The following SMIM14 variants were observed in gnomAD, a reference collection of about 807,000 sequenced individuals.
SMIM14 encodes the protein chromosome 4 open reading frame 34.
SMIM14 carries 5 observed loss-of-function variants against 12.6 expected under a neutral mutation model. That is an observed-to-expected ratio of 0.40 (90% CI 0.21 to 0.83). The LOEUF (loss-of-function observed/expected upper bound fraction) is 0.83. SMIM14 is among the 40% of genes least tolerant of loss of function. SMIM14 has a pLI of 0.37. For missense variants in SMIM14, 86 were observed against 119.1 expected, an observed-to-expected ratio of 0.72 and a Z score of 1.29; for synonymous variants, 30 against 40.1, an observed-to-expected ratio of 0.75 and a Z score of 0.95.
chr4:39,580,583 G>A (rs1713446991), intron 2 of SMIM14, among the ~76,000 whole-genome samples: 1 of 151,860 alleles, frequency 6.6e-6, no homozygotes, highest in South Asian at 2.1e-4. Context: ...CTGGAGTACA[G>A]TGGTGCGATC....
intron 2 of SMIM14, among the ~76,000 whole-genome samples, chr4:39,580,077 A>G (rs910351004): frequency 2.0e-5 from 3 of 152,182 alleles, no homozygotes; most frequent in Non-Finnish European, 4.4e-5. Flanking sequence ...CAAGAACCTC[A>G]TATGTGTTGG....
intron 1 of SMIM14, among the ~76,000 whole-genome samples, chr4:39,637,779 C>T (rs897030161): frequency 1.3e-5 from 2 of 152,152 alleles, no homozygotes; most frequent in Non-Finnish European, 2.9e-5. Flanking sequence ...GCAAGAATGC[C>T]TCCTAAGCGT....
intron 1 of SMIM14, among the ~76,000 whole-genome samples, chr4:39,616,396 A>C (rs1438061042): frequency 6.6e-6 from 1 of 152,098 alleles, no homozygotes; most frequent in Non-Finnish European, 1.5e-5. Context: ...CAGCCTCCCA[A>C]AGTGCTGGGA....
intron 1 of SMIM14, among the ~76,000 whole-genome samples, chr4:39,618,490 T>A (rs1282959839): frequency 6.6e-6 from 1 of 151,500 alleles, no homozygotes; most frequent in Non-Finnish European, 1.5e-5. Flanking sequence ...CTATTAAAAA[T>A]ACAAAAATTA....
intron 3 of SMIM14, among the ~76,000 whole-genome samples, chr4:39,566,226 G>A (rs180781658): frequency 6.6e-6 from 1 of 151,890 alleles, no homozygotes; most frequent in Non-Finnish European, 1.5e-5. Context: ...TGACTGGACA[G>A]TGTGAGAAAA....
chr4:39,636,912 C>T (rs1008594650), intron 1 of SMIM14, among the ~76,000 whole-genome samples: 17 of 152,246 alleles, frequency 1.1e-4, no homozygotes, highest in South Asian at 4.1e-4. Context: ...ATTGTATTTT[C>T]AAACTGCGGT....
rs561228590 is a variant in SMIM14, at chr4:39,557,752, A to C, written c.125-1182T>G. 5.9e-5 allele frequency among the ~76,000 whole-genome samples: 9 copies of C among 152,322 alleles called. No homozygotes were observed. The South Asian group carries it at 1.9e-3, about 32-fold the overall frequency. On this transcript the variant is annotated intron_variant, in intron 3 of 4. Transcript: ENST00000295958. ...AAAGCCACGAATCCATATGAATCCA[A>C]GTTAAGACCACAGAAAAAACACTCT...
At chr4:39,572,594 G>A in intron 2 of SMIM14, 131 bp from the exon 3 acceptor site, 1 of 693,492 alleles carries the variant, frequency 1.4e-6, no homozygotes, top group Non-Finnish European at 2.5e-6. Flanking sequence ...GGCTGAGGTG[G>A]GTGGATTGTT....
chr4:39,610,696 TAA>T (rs368297350), intron 1 of SMIM14, among the ~76,000 whole-genome samples: 3 of 133,682 alleles, frequency 2.2e-5, no homozygotes, highest in Admixed American at 7.6e-5. Flanking sequence ...CCTGGTCTCT[TAA>T]AAAAAAAAAA....
intron 2 of SMIM14, among the ~76,000 whole-genome samples, chr4:39,598,407 C>T (rs1714462520): frequency 6.6e-6 from 1 of 152,150 alleles, no homozygotes; most frequent in African/African-American, 2.4e-5. Flanking sequence ...CAACTTTTAG[C>T]TGATTGTTTT....
chr4:39,621,667 AT>A (rs375679188), intron 1 of SMIM14, among the ~76,000 whole-genome samples: 47 of 149,370 alleles, frequency 3.1e-4, no homozygotes, highest in African/African-American at 1.1e-3. Context: ...ACTGTAAAGT[AT>A]TATACAGCCA....
intron 3 of SMIM14, among the ~76,000 whole-genome samples, chr4:39,560,783 C>T (rs1712270228): frequency 6.6e-6 from 1 of 151,986 alleles, no homozygotes; most frequent in South Asian, 2.1e-4. Context: ...CTCTGTTCAT[C>T]CAGTTGCCCA....
chr4:39,617,854 GTTAAA>G (rs1358961943), intron 1 of SMIM14, among the ~76,000 whole-genome samples: 1 of 152,074 alleles, frequency 6.6e-6, no homozygotes, highest in Admixed American at 6.6e-5. Flanking sequence ...ATAGTATTTT[GTTAAA>G]TTAAGTTTAA....
chr4:39,596,097 T>C (rs1442452214), intron 2 of SMIM14, among the ~76,000 whole-genome samples: 1 of 152,060 alleles, frequency 6.6e-6, no homozygotes, highest in African/African-American at 2.4e-5. Context: ...TAGTGCCTTT[T>C]TTTCTTTCTT....
intron 3 of SMIM14, among the ~76,000 whole-genome samples, chr4:39,571,684 T>A (rs1223092595): frequency 3.3e-5 from 5 of 152,170 alleles, no homozygotes; most frequent in Non-Finnish European, 7.3e-5. Context: ...GCAAGCAGCT[T>A]TGATGTCCCA....
intron 3 of SMIM14, among the ~76,000 whole-genome samples, chr4:39,568,448 C>A (rs1712693774): frequency 6.6e-6 from 1 of 151,848 alleles, no homozygotes; most frequent in East Asian, 1.9e-4. Context: ...TGGAATAACA[C>A]CTATGAAAAG....
Position 39,609,790 on chromosome 4 carries a change from AAGGGAAGCCAC to A in SMIM14, c.-35-4621_-35-4611del, listed in dbSNP as rs1714956403. Among the ~76,000 whole-genome samples, 2 of 152,184 alleles carry A rather than the reference AAGGGAAGCCAC, an allele frequency of 1.3e-5. 1 individual carries two copies. The highest frequency in any genetic ancestry group is 1.3e-4 in the Admixed American group (2 of 15,274). ...CAGCTGCACGATAGAAAACTGAGAA[AAGGGAAGCCAC>A]AGTAGGTAGAGGGAACCTAGTTAAA... is the stretch of plus-strand genomic sequence containing the variant. On this transcript the variant is annotated intron_variant, in intron 1 of 4. Coordinates refer to ENST00000295958, the MANE Select transcript of SMIM14 (RefSeq NM_174921.3).
At chr4:39,628,649 T>A (rs2109254838) in intron 1 of SMIM14, among the ~76,000 whole-genome samples, 1 of 150,364 alleles carries the variant, frequency 6.7e-6, no homozygotes, top group East Asian at 2.0e-4. Context: ...ACTACTGCAC[T>A]CCAGCCTGGG....
At chr4:39,601,860 T>C (rs1038180520) in intron 2 of SMIM14, among the ~76,000 whole-genome samples, 9 of 151,194 alleles carry the variant, frequency 6.0e-5, no homozygotes, top group Admixed American at 2.0e-4. Context: ...AGTGGGAGGA[T>C]TGCTTGAGCC....
Sources: allele counts gnomAD v4.1 joint callset (sites outside exome capture counted in the v4.1 genomes callset), GRCh38; gene constraint gnomAD v4.1.1; transcripts MANE v1.5; gene names NCBI Gene and HGNC (gene_info 2026-07-23, HGNC 2026-07-21).